Variants in HERC1 observed in about 807,000 individuals in gnomAD.
The protein encoded by HERC1 is probable E3 ubiquitin-protein ligase HERC1.
HERC1 carries 160 observed loss-of-function variants against 554.3 expected under a neutral mutation model. The observed-to-expected ratio is 0.29, with a 90% confidence interval of 0.25 to 0.33. HERC1 has a LOEUF of 0.33. Ranked by LOEUF, HERC1 falls within the 10% of genes least tolerant of loss-of-function variation. The probability of loss-of-function intolerance (pLI) is 1.00; values close to 1 mark genes in which losing one functional copy is unlikely to be tolerated. For missense variants in HERC1, 4,919 were observed against 5,918.5 expected, an observed-to-expected ratio of 0.83 and a Z score of 5.54; for synonymous variants, 2,175 against 2,131.7, an observed-to-expected ratio of 1.02 and a Z score of -0.56.
chr15:63,820,647 T>C (rs1313187962), intron 1 of HERC1, among the ~76,000 whole-genome samples: 2 of 152,108 alleles, frequency 1.3e-5, no homozygotes, highest in Non-Finnish European at 2.9e-5. Context: ...AAAACAACAA[T>C]GTATCTCAAA....
At chr15:63,687,469 C>G (rs562624020) in intron 33 of HERC1, among the ~76,000 whole-genome samples, 1 of 151,540 alleles carries the variant, frequency 6.6e-6, no homozygotes, top group South Asian at 2.1e-4. Flanking sequence ...ACCGGGGAGG[C>G]AGAGGTTGCA....
chr15:63,791,553 T>C (rs898052050), intron 1 of HERC1, among the ~76,000 whole-genome samples: 4 of 152,168 alleles, frequency 2.6e-5, no homozygotes, highest in Middle Eastern at 3.2e-3. Context: ...CCAATAAAAC[T>C]TTTAGTTACT....
At position 63,758,084 on chromosome 15, in the gene HERC1, CATTT is replaced by C. The variant is rs2142105865; in HGVS notation, c.1221+87_1221+90del. ...GAAATAACCATCGATAATTTTCACTCATTTAAAAAATACTCAGTATTATTTAATG... is the reference window on the plus strand; with the variant it reads ...GAAATAACCATCGATAATTTTCACTCAAAAAATACTCAGTATTATTTAATG... On this transcript the variant is annotated intron_variant, in intron 4 of 77. Transcript: ENST00000443617. The surrounding 1 kb of genome is among the most constrained non-coding windows in gnomAD (Gnocchi z 4.0). 1.1e-6 allele frequency: 1 copy of C among 889,218 alleles called. No homozygotes were observed. The highest frequency in any genetic ancestry group is 1.7e-6 in the Non-Finnish European group (1 of 588,728). 55.1% of individuals were successfully genotyped at this position (889,218 alleles called of 1,614,324 possible).
chr15:63,725,538 G>A (rs2074005460), intron 17 of HERC1, 25 bp from the exon 18 acceptor site: 4 of 1,573,476 alleles, frequency 2.5e-6, no homozygotes, highest in Non-Finnish European at 3.5e-6. Context: ...ATTAGTTATT[G>A]TGTCTTTATC....
At chr15:63,761,014 A>T (rs1164778919) in intron 3 of HERC1, among the ~76,000 whole-genome samples, 2 of 152,204 alleles carry the variant, frequency 1.3e-5, no homozygotes, top group African/African-American at 4.8e-5. Context: ...AAGAGAATGG[A>T]GTAACATATT....
rs776349270 is a variant in HERC1, at chr15:63,640,457, T to C, written c.11608-12A>G. 2.2e-5 allele frequency: 36 copies of C among 1,602,854 alleles called. No individual in the cohort carries two copies. The highest frequency in any genetic ancestry group is 3.1e-5 in the Non-Finnish European group (36 of 1,170,902). On this transcript the variant is annotated splice_polypyrimidine_tract_variant and intron_variant, in intron 60 of 77. Transcript: ENST00000443617. ...CAAACCACATGAGGCTAAAACAAAA[T>C]ACAAGGATATAATATGTCAAAGAGT... is the stretch of plus-strand genomic sequence containing the variant.
intron 1 of HERC1, among the ~76,000 whole-genome samples, chr15:63,780,229 T>C (rs2076247782): frequency 6.6e-6 from 1 of 152,152 alleles, no homozygotes; most frequent in African/African-American, 2.4e-5. Flanking sequence ...TTCTGTTGAT[T>C]CTTAAGTATT....
chr15:63,707,274 C>CTA (rs2073054698), intron 24 of HERC1, among the ~76,000 whole-genome samples: 1 of 152,174 alleles, frequency 6.6e-6, no homozygotes, highest in African/African-American at 2.4e-5. Context: ...AGAAGAAAAT[C>CTA]TGATAGTCTC....
chr15:63,829,561 G>GTGTGTGTATATATATATATATATATA (rs1220043639), intron 1 of HERC1, among the ~76,000 whole-genome samples: 2 of 81,730 alleles, frequency 2.4e-5, no homozygotes, highest in East Asian at 2.7e-4. Flanking sequence ...GTGTGTGTGT[G>GTGTGTGTATATATATATATATATATA]TATATATATA....
chr15:63,816,271 A>G (rs571142250), intron 1 of HERC1, among the ~76,000 whole-genome samples: 49 of 152,360 alleles, frequency 3.2e-4, no homozygotes, highest in African/African-American at 1.2e-3. Context: ...AAGAGAGAAT[A>G]AAGTACACAT....
chr15:63,757,262 C>CTTTTTT lies in HERC1; in HGVS notation c.1222-520_1222-515dup, dbSNP rs56196711. Among the ~76,000 whole-genome samples, 257 of 107,858 alleles carry CTTTTTT rather than the reference C, an allele frequency of 2.4e-3. 1 individual carries two copies. Among genetic ancestry groups the CTTTTTT allele is most frequent in the Middle Eastern group, 6.8e-3 (1 of 146 alleles). The allele number at this position is 107,858 out of a possible 152,430, so 70.8% of individuals were successfully genotyped here. A position where few individuals can be genotyped will look rare whatever the true frequency, so the allele number is the denominator to read the frequency against. On this transcript the variant is annotated intron_variant, in intron 4 of 77. Coordinates refer to ENST00000443617, the MANE Select transcript of HERC1 (RefSeq NM_003922.4). The stretch of plus-strand genomic sequence containing the variant: ...AAAAAGAAATTCCAGTTTTTATTTA[C>CTTTTTT]TTTTTTTTTTTTTTTTTTTTGAGAC...
At chr15:63,785,387 C>T (rs374650888) in intron 1 of HERC1, among the ~76,000 whole-genome samples, 1 of 152,080 alleles carries the variant, frequency 6.6e-6, no homozygotes, top group Admixed American at 6.6e-5. Flanking sequence ...CACTGCACTC[C>T]AGCCTGGGCA....
At chr15:63,828,283 G>T (rs1416955634) in intron 1 of HERC1, among the ~76,000 whole-genome samples, 1 of 151,886 alleles carries the variant, frequency 6.6e-6, no homozygotes, top group Non-Finnish European at 1.5e-5. Flanking sequence ...CAAAGATGGA[G>T]GGATGGAAAT....
chr15:63,830,027 G>T (rs1217895158), intron 1 of HERC1, among the ~76,000 whole-genome samples: 1 of 152,042 alleles, frequency 6.6e-6, no homozygotes, highest in African/African-American at 2.4e-5. Flanking sequence ...AAGGAATGAG[G>T]GAAATACAAA....
At chr15:63,771,390 C>T (rs762325572) in intron 2 of HERC1, among the ~76,000 whole-genome samples, 3 of 151,784 alleles carry the variant, frequency 2.0e-5, no homozygotes, top group African/African-American at 7.3e-5. Context: ...AAGTCAAACA[C>T]ATATTCTTCC....
rs2071251845 is a variant in HERC1 at position 63,677,136 on chromosome 15, A to G, written c.7070+709T>C. ...AGTGAAAACCTGAAACTTTTTGAGC[A>G]CCAACATGATGCTCAATGGAAATAT... On this transcript the variant is annotated intron_variant, in intron 37 of 77. Transcript: ENST00000443617. This position sits in a 1 kb window ranked among gnomAD's most constrained non-coding sequence, Gnocchi z 4.4. Among the ~76,000 whole-genome samples, 1 of 152,196 alleles carries G rather than the reference A, an allele frequency of 6.6e-6. No individual in the cohort carries two copies. The highest frequency in any genetic ancestry group is 2.1e-4 in the South Asian group (1 of 4,828).
intron 1 of HERC1, among the ~76,000 whole-genome samples, chr15:63,798,694 G>A (rs1213873030): frequency 6.6e-6 from 1 of 152,152 alleles, no homozygotes; most frequent in Non-Finnish European, 1.5e-5. Flanking sequence ...CTCACTGTGA[G>A]GAATGGATTC....
intron 2 of HERC1, among the ~76,000 whole-genome samples, chr15:63,770,239 C>T (rs191568270): frequency 9.8e-5 from 15 of 152,288 alleles, no homozygotes; most frequent in African/African-American, 3.1e-4. Flanking sequence ...CAATTGCTGG[C>T]AAAACCCTCC....
At chr15:63,763,372 T>C (rs1461426249) in intron 3 of HERC1, among the ~76,000 whole-genome samples, 1 of 152,236 alleles carries the variant, frequency 6.6e-6, no homozygotes, top group South Asian at 2.1e-4. Flanking sequence ...CACCTGAGAC[T>C]GATCAAGCCT....
Sources: gnomAD v4.1 joint callset for allele counts (sites outside exome capture counted in the v4.1 genomes callset) on GRCh38, gnomAD v4.1.1 for gene constraint, Gnocchi (gnomAD v3.1) non-coding constraint, MANE v1.5 for transcripts, NCBI Gene and HGNC (gene_info 2026-07-23, HGNC 2026-07-21) for gene names.